The following SUGCT variants were observed in gnomAD, a reference collection of about 807,000 sequenced individuals.
SUGCT encodes the protein succinyl-CoA:glutarate-CoA transferase, also known as succinyl-CoA:glutarate CoA-transferase.
SUGCT carries 41 observed loss-of-function variants against 55.0 expected under a neutral mutation model. The observed-to-expected ratio is 0.74, with a 90% CI of 0.58 to 0.97. The LOEUF is 0.97. SUGCT is among the 50% of genes least tolerant of loss of function. SUGCT has a pLI of 0.00. For missense variants in SUGCT, 568 were observed against 547.8 expected (o/e 1.04, Z -0.37); for synonymous variants, 187 against 200.4 (o/e 0.93, Z 0.56).
chr7:40,560,646 C>T (rs768153537), intron 12 of SUGCT, among the ~76,000 whole-genome samples: 6 of 152,178 alleles, frequency 3.9e-5, no homozygotes, highest in Non-Finnish European at 4.4e-5. Context: ...CCACCCAACC[C>T]TCCAAATTTC....
rs574549174 is a variant in SUGCT, at chr7:40,349,672, T to G, written c.816+32817T>G. On this transcript the variant is annotated intron_variant, in intron 9 of 13. Coordinates refer to ENST00000335693, the MANE Select transcript of SUGCT (RefSeq NM_001193313.2). Reference sequence around the variant, plus strand: ...ATCACTCATTCCTCTAAGAAGTTCTTCTTATATGGTTTTTTTTGGAGGCAG... The same window carrying G: ...ATCACTCATTCCTCTAAGAAGTTCTGCTTATATGGTTTTTTTTGGAGGCAG... Among the ~76,000 whole-genome samples, 3 of 152,002 alleles carry G rather than the reference T, an allele frequency of 2.0e-5. No individual in the cohort carries two copies. The South Asian group carries it at 6.2e-4, about 32-fold the overall frequency.
intron 9 of SUGCT, among the ~76,000 whole-genome samples, chr7:40,371,066 T>G (rs1316537093): frequency 6.6e-6 from 1 of 152,146 alleles, no homozygotes; most frequent in Non-Finnish European, 1.5e-5. Flanking sequence ...CATGAGTGTT[T>G]CTTTCATGCT....
intron 12 of SUGCT, among the ~76,000 whole-genome samples, chr7:40,620,039 A>C (rs546385423): frequency 6.6e-6 from 1 of 152,340 alleles, no homozygotes; most frequent in Middle Eastern, 3.4e-3. Context: ...TCCAGTGTCC[A>C]ATTTCCATAC....
chr7:40,417,996 C>G (rs564712162), intron 9 of SUGCT, among the ~76,000 whole-genome samples: 1 of 152,018 alleles, frequency 6.6e-6, no homozygotes, highest in Admixed American at 6.6e-5. Context: ...ATATTTCACA[C>G]GAGTCAAAGC....
intron 12 of SUGCT, among the ~76,000 whole-genome samples, chr7:40,636,519 G>A (rs955419898): frequency 6.6e-6 from 1 of 152,196 alleles, no homozygotes; most frequent in Non-Finnish European, 1.5e-5. Flanking sequence ...ATGTAAAAGA[G>A]TGACAAAGAA....
chr7:40,513,022 C>T (rs552087941), intron 12 of SUGCT, among the ~76,000 whole-genome samples: 1 of 152,180 alleles, frequency 6.6e-6, no homozygotes, highest in South Asian at 2.1e-4. Context: ...GCAATGGAGC[C>T]CAGCATGATC....
the SUGCT span, among the ~76,000 whole-genome samples, chr7:41,012,497 A>G: frequency 6.6e-6 from 1 of 152,218 alleles, no homozygotes; most frequent in Non-Finnish European, 1.5e-5. Flanking sequence ...GTCATGATCA[A>G]AGAGACTATG....
the SUGCT span, among the ~76,000 whole-genome samples, chr7:40,889,697 T>C: frequency 5.9e-5 from 9 of 152,152 alleles, no homozygotes; most frequent in African/African-American, 2.2e-4. Context: ...TCAAACTTCC[T>C]TTGACTTATT....
intron 1 of SUGCT, among the ~76,000 whole-genome samples, chr7:40,140,712 T>G (rs1787937918): frequency 6.6e-6 from 1 of 152,148 alleles, no homozygotes; most frequent in Non-Finnish European, 1.5e-5. Context: ...TGTGTCTGTT[T>G]TTATAGACAC....
chr7:40,337,930 G>T (rs1796809923), intron 9 of SUGCT, among the ~76,000 whole-genome samples: 2 of 152,078 alleles, frequency 1.3e-5, no homozygotes, highest in Non-Finnish European at 2.9e-5. Context: ...AGGAGCTCTT[G>T]TAGGACAGGC....
chr7:40,256,812 C>T (rs564155508), intron 7 of SUGCT, among the ~76,000 whole-genome samples: 7 of 152,092 alleles, frequency 4.6e-5, no homozygotes, highest in Admixed American at 2.0e-4. Context: ...GGTGCCATCT[C>T]GGCTCATTGC....
At chr7:40,931,937 GA>G in the SUGCT span, among the ~76,000 whole-genome samples, 1 of 152,060 alleles carries the variant, frequency 6.6e-6, no homozygotes, top group East Asian at 1.9e-4. Flanking sequence ...GTTCTGTTCT[GA>G]TCTTAGTTGT....
chr7:40,951,371 G>A, the SUGCT span, among the ~76,000 whole-genome samples: 855 of 151,936 alleles, frequency 5.6e-3, 7 homozygotes, highest in African/African-American at 0.019. Flanking sequence ...TCTTGCTAGC[G>A]TTCTATTAAT....
intron 12 of SUGCT, among the ~76,000 whole-genome samples, chr7:40,705,552 C>T (rs535254062): frequency 6.6e-6 from 1 of 152,256 alleles, no homozygotes; most frequent in South Asian, 2.1e-4. Flanking sequence ...GAAATTTCAC[C>T]CTTTTATCCC....
At chr7:40,464,946 A>C (rs865835157) in intron 11 of SUGCT, among the ~76,000 whole-genome samples, 5 of 152,338 alleles carry the variant, frequency 3.3e-5, no homozygotes, top group South Asian at 4.1e-4. Flanking sequence ...GATTATCTAT[A>C]GTTTGGAGAG....
intron 12 of SUGCT, among the ~76,000 whole-genome samples, chr7:40,507,009 C>G (rs914492977): frequency 2.0e-5 from 3 of 152,106 alleles, no homozygotes; most frequent in Admixed American, 2.0e-4. Context: ...TTTATAACAG[C>G]TGATTTGAAG....
chr7:40,519,815 A>G (rs1219486372), intron 12 of SUGCT, among the ~76,000 whole-genome samples: 1 of 152,106 alleles, frequency 6.6e-6, no homozygotes, highest in African/African-American at 2.4e-5. Context: ...TATTGCAAAG[A>G]CAGATTCAGT....
chr7:40,234,416 T>G (rs1317513489), intron 6 of SUGCT, among the ~76,000 whole-genome samples: 1 of 152,206 alleles, frequency 6.6e-6, no homozygotes, highest in Non-Finnish European at 1.5e-5. Flanking sequence ...CTACCTGCCC[T>G]GGAACTCATT....
At chr7:40,260,686 CTG>C (rs1791162035) in intron 7 of SUGCT, among the ~76,000 whole-genome samples, 1 of 152,200 alleles carries the variant, frequency 6.6e-6, no homozygotes, top group Non-Finnish European at 1.5e-5. Flanking sequence ...GTGTCTCACT[CTG>C]TTGCCCAGAC....
Sources: allele counts gnomAD v4.1 joint callset (sites outside exome capture counted in the v4.1 genomes callset), GRCh38; gene constraint gnomAD v4.1.1; transcripts MANE v1.5; gene names NCBI Gene and HGNC (gene_info 2026-07-23, HGNC 2026-07-21).